Variants in XIRP2 observed in about 807,000 individuals in gnomAD.
The protein encoded by XIRP2 is xin actin-binding repeat-containing protein 2.
In XIRP2, 236 loss-of-function variants were observed where a neutral mutation model predicts 277.0. The observed-to-expected ratio is 0.85, with a 90% CI of 0.77 to 0.95. XIRP2 has a LOEUF of 0.95. XIRP2 is among the 40% of genes least tolerant of loss of function. The pLI, the probability that XIRP2 is intolerant of heterozygous loss-of-function variation, is 0.00. For synonymous variants in XIRP2, 1,490 were observed against 1,416.5 expected, an observed-to-expected ratio of 1.05 and a Z score of -1.17; for missense variants, 4,640 against 4,157.5, an observed-to-expected ratio of 1.12 and a Z score of -3.19.
intron 2 of XIRP2, among the ~76,000 whole-genome samples, chr2:166,996,892 C>G (rs1383721927): frequency 6.6e-6 from 1 of 152,130 alleles, no homozygotes; most frequent in African/African-American, 2.4e-5. Flanking sequence ...CTAACCTGCT[C>G]TCATTCCCAA....
intron 3 of XIRP2, among the ~76,000 whole-genome samples, chr2:167,160,180 A>G (rs1692323544): frequency 6.6e-6 from 1 of 152,200 alleles, no homozygotes; most frequent in South Asian, 2.1e-4. Context: ...AAAAATTTTA[A>G]TGAGCTTTGT....
Position 167,244,801 on chromosome 2 carries a change from G to A in XIRP2, c.3409G>A (p.Asp1137Asn). ...TTGGCTCTTTGAAACTCAGCCACTT[G>A]ATACCATAAAAGATGACTCTGAAAC... is the stretch of plus-strand genomic sequence containing the variant. ...CTWLFETQPL[D>N]TIKDDSETAV... The change falls in exon 9 of 11, where the codon GAT becomes AAT. Residue 1137 changes from aspartate (D) to asparagine (N), a missense_variant. By Grantham distance (23) the Asp-to-Asn change is conservative (BLOSUM62 1). Coordinates refer to ENST00000409195, the MANE Select transcript of XIRP2 (RefSeq NM_152381.6). The A allele has an allele frequency of 1.2e-6, 2 of 1,613,646 alleles. No individual in the cohort carries two copies. The highest frequency in any genetic ancestry group is 1.7e-6 in the Non-Finnish European group (2 of 1,179,758).
chr2:167,022,528 C>T (rs1009824747), intron 2 of XIRP2, among the ~76,000 whole-genome samples: 2 of 151,974 alleles, frequency 1.3e-5, no homozygotes, highest in Non-Finnish European at 2.9e-5. Context: ...ATACATGTGC[C>T]ATGCTGCTGT....
At chr2:167,010,854 T>C (rs1233034487) in intron 2 of XIRP2, among the ~76,000 whole-genome samples, 1 of 152,106 alleles carries the variant, frequency 6.6e-6, no homozygotes, top group Non-Finnish European at 1.5e-5. Flanking sequence ...AGTTCACTCA[T>C]GATTTGGCTC....
At chr2:166,986,418 T>A (rs1261715982) in intron 2 of XIRP2, among the ~76,000 whole-genome samples, 1 of 152,228 alleles carries the variant, frequency 6.6e-6, no homozygotes, top group Non-Finnish European at 1.5e-5. Context: ...CAATGGTCAC[T>A]TCAACTGAAA....
Position 166,974,595 on chromosome 2 carries a change from T to C in XIRP2, c.408+70705T>C, listed in dbSNP as rs1686662804. 2.0e-5 allele frequency among the ~76,000 whole-genome samples: 3 copies of C among 152,114 alleles called. No homozygotes were observed. In the South Asian group the frequency reaches 6.2e-4, roughly 32 times the overall value. On this transcript the variant is annotated intron_variant, in intron 2 of 10. Coordinates refer to ENST00000409195, the MANE Select transcript of XIRP2 (RefSeq NM_152381.6). The stretch of plus-strand genomic sequence containing the variant: ...TATAATAACTCTAAGTAGACTATGG[T>C]AATGATAAATATTGCAAACAGTAGC...
chr2:167,095,904 C>T (rs577443203), intron 2 of XIRP2, among the ~76,000 whole-genome samples: 11 of 99,050 alleles, frequency 1.1e-4, no homozygotes, highest in Admixed American at 3.3e-4. Context: ...GAAGGAGTCT[C>T]GCTCTGTTGC....
intron 5 of XIRP2, among the ~76,000 whole-genome samples, chr2:167,236,634 A>C (rs2105424529): frequency 6.6e-6 from 1 of 152,172 alleles, no homozygotes; most frequent in East Asian, 1.9e-4. Flanking sequence ...GATTTTTCCC[A>C]AGATTATAAC....
chr2:167,055,632 G>T (rs1689020069), intron 2 of XIRP2, among the ~76,000 whole-genome samples: 1 of 152,086 alleles, frequency 6.6e-6, no homozygotes, highest in African/African-American at 2.4e-5. Flanking sequence ...CTCTGAATAT[G>T]CATAGTTTAC....
intron 2 of XIRP2, among the ~76,000 whole-genome samples, chr2:167,090,243 G>C (rs1690101044): frequency 6.6e-6 from 1 of 151,946 alleles, no homozygotes; most frequent in Non-Finnish European, 1.5e-5. Context: ...ACCTCTTTCA[G>C]ACAATGCAAA....
At chr2:167,016,775 A>T (rs1375073814) in intron 2 of XIRP2, among the ~76,000 whole-genome samples, 1 of 151,976 alleles carries the variant, frequency 6.6e-6, no homozygotes, top group Non-Finnish European at 1.5e-5. Flanking sequence ...AGGAGGATGG[A>T]GTATGAAGAT....
intron 5 of XIRP2, among the ~76,000 whole-genome samples, chr2:167,227,355 C>T (rs914495890): frequency 1.3e-5 from 2 of 152,024 alleles, no homozygotes; most frequent in Admixed American, 6.6e-5. Context: ...AATTCCTTTG[C>T]TGGTGGTAGA....
At chr2:167,127,598 A>T (rs536216100) in intron 2 of XIRP2, among the ~76,000 whole-genome samples, 88 of 152,236 alleles carry the variant, frequency 5.8e-4, no homozygotes, top group Non-Finnish European at 1.2e-3. Flanking sequence ...TACTGTTGAG[A>T]CTACCACCTT....
chr2:167,033,708 G>A (rs1217987747), intron 2 of XIRP2, among the ~76,000 whole-genome samples: 2 of 151,962 alleles, frequency 1.3e-5, no homozygotes, highest in African/African-American at 4.8e-5. Context: ...AACCTTACAG[G>A]CCAAGAGAGA....
chr2:167,134,990 T>C (rs1691501929), intron 2 of XIRP2, among the ~76,000 whole-genome samples: 1 of 152,136 alleles, frequency 6.6e-6, no homozygotes, highest in African/African-American at 2.4e-5. Flanking sequence ...CATTTCATAT[T>C]GTGGACCGCA....
intron 5 of XIRP2, among the ~76,000 whole-genome samples, chr2:167,226,904 C>T (rs1694618797): frequency 6.6e-6 from 1 of 152,116 alleles, no homozygotes; most frequent in South Asian, 2.1e-4. Context: ...GCATGGAATC[C>T]CAGTGGGAAC....
intron 3 of XIRP2, among the ~76,000 whole-genome samples, chr2:167,158,106 T>C (rs1692255427): frequency 6.6e-6 from 1 of 152,168 alleles, no homozygotes; most frequent in South Asian, 2.1e-4. Flanking sequence ...AAAAGAAGAA[T>C]TGAAGCAAAT....
intron 3 of XIRP2, among the ~76,000 whole-genome samples, chr2:167,156,703 C>T (rs1276307738): frequency 6.6e-6 from 1 of 152,070 alleles, no homozygotes; most frequent in South Asian, 2.1e-4. Context: ...ATAAGCTCTG[C>T]AAAACATTGT....
chr2:167,258,057 C>T lies in XIRP2; in HGVS notation c.*240C>T, dbSNP rs62197395. On this transcript the variant is annotated 3_prime_UTR_variant, in exon 11 of 11. Transcript: ENST00000409195. ...ATGTGTAAAAATATTGCAGAAAACA[C>T]CCTTGTACCTGGAGATCGTAATGAA... The T allele has an allele frequency of 1.6e-3, 2,537 of 1,613,012 alleles. 5 individuals are homozygous for T. The highest frequency in any genetic ancestry group is 2.1e-3 in the Admixed American group (123 of 59,828).
Sources: gnomAD v4.1 joint callset for allele counts (sites outside exome capture counted in the v4.1 genomes callset) on GRCh38, gnomAD v4.1.1 for gene constraint, MANE v1.5 for transcripts, NCBI Gene and HGNC (gene_info 2026-07-23, HGNC 2026-07-21) for gene names.